The following ZC3H6 variants were observed in gnomAD, a reference collection of about 807,000 sequenced individuals.
The protein encoded by ZC3H6 is zinc finger CCCH-type containing 6.
In ZC3H6, 40 loss-of-function variants were observed where a neutral mutation model predicts 107.7. The ratio of observed to expected loss-of-function variants is 0.37; its 90% CI spans 0.29 to 0.48. The LOEUF is 0.48. Ranked by LOEUF, ZC3H6 falls within the 20% of genes least tolerant of loss-of-function variation. The pLI is 0.98. For missense variants in ZC3H6, 1,267 were observed against 1,410.4 expected (o/e 0.90, Z 1.63); for synonymous variants, 493 against 487.9 (o/e 1.01, Z -0.14).
At chr2:112,327,618 T>G (rs1676936147) in intron 11 of ZC3H6, among the ~76,000 whole-genome samples, 1 of 152,220 alleles carries the variant, frequency 6.6e-6, no homozygotes, top group African/African-American at 2.4e-5. Flanking sequence ...CCCAATGTTT[T>G]CTGGTAGCAG....
chr2:112,311,136 G>A (rs1257556975), intron 4 of ZC3H6, among the ~76,000 whole-genome samples: 1 of 152,042 alleles, frequency 6.6e-6, no homozygotes, highest in Non-Finnish European at 1.5e-5. Flanking sequence ...TGCTCTTAAA[G>A]AACTGAGTAT....
chr2:112,327,854 G>A (rs544956337), intron 11 of ZC3H6, among the ~76,000 whole-genome samples: 12 of 151,978 alleles, frequency 7.9e-5, no homozygotes, highest in African/African-American at 2.9e-4. Flanking sequence ...TCTCTGTTCT[G>A]TTCCATTGGT....
chr2:112,293,219 A>G (rs1207543417), intron 1 of ZC3H6, among the ~76,000 whole-genome samples: 1 of 152,148 alleles, frequency 6.6e-6, no homozygotes, highest in Non-Finnish European at 1.5e-5. Flanking sequence ...AATTTATAAT[A>G]TTGCCCATAT....
In ZC3H6 at chr2:112,332,618, C is replaced by T; in HGVS notation, c.*130C>T. ...CACTTTTCAGCTGCTAGTATCAGAA[C>T]CACATGAAGTTATAGCCTCTAAAGC... On this transcript the variant is annotated 3_prime_UTR_variant, in exon 12 of 12. Transcript: ENST00000409871. 1 of 877,378 alleles carries T rather than the reference C, an allele frequency of 1.1e-6. No individual in the cohort carries two copies. Among genetic ancestry groups the T allele is most frequent in the Non-Finnish European group, 1.7e-6 (1 of 597,580 alleles). The allele number at this position is 877,378 out of a possible 1,614,324, so 54.3% of individuals were successfully genotyped here.
intron 7 of ZC3H6, 59 bp downstream of exon 7, chr2:112,317,391 G>A (rs1312502489): frequency 9.1e-6 from 9 of 987,148 alleles, no homozygotes; most frequent in East Asian, 3.0e-5. Context: ...GCATCATTGA[G>A]GTTTTAAAAA....
At chr2:112,290,647 A>G (rs1676095321) in intron 1 of ZC3H6, among the ~76,000 whole-genome samples, 1 of 149,078 alleles carries the variant, frequency 6.7e-6, no homozygotes, top group African/African-American at 2.5e-5. Context: ...AAATGAATGA[A>G]TGGCCTTTTT....
chr2:112,325,239 G>T, intron 11 of ZC3H6, 42 bp downstream of exon 11: 1 of 1,589,558 alleles, frequency 6.3e-7, no homozygotes, highest in Non-Finnish European at 8.6e-7. Context: ...TATTTGGATG[G>T]GTTAAAATTT....
intron 10 of ZC3H6, 53 bp from the exon 11 acceptor site, chr2:112,324,911 G>A: frequency 6.8e-7 from 1 of 1,473,194 alleles, no homozygotes; most frequent in Non-Finnish European, 9.3e-7. Flanking sequence ...TCTTATGACT[G>A]GTGAAGTTTT....
chr2:112,298,160 A>ATTC (rs1676279215), intron 1 of ZC3H6, among the ~76,000 whole-genome samples: 1 of 151,566 alleles, frequency 6.6e-6, no homozygotes, highest in Non-Finnish European at 1.5e-5. Context: ...TTTTTAAAAA[A>ATTC]TTTATTTTTT....
rs1239912669 is a variant in ZC3H6 at position 112,338,341 on chromosome 2, A to G, written c.*5853A>G. 1.3e-5 allele frequency: 2 copies of G among 152,180 alleles called. No homozygotes were observed. The highest frequency in any genetic ancestry group is 2.9e-5 in the Non-Finnish European group (2 of 68,034). The allele number at this position is 152,180 out of a possible 1,614,324, so 9.4% of individuals were successfully genotyped here. On this transcript the variant is annotated 3_prime_UTR_variant, in exon 12 of 12. Coordinates refer to ENST00000409871, the MANE Select transcript of ZC3H6 (RefSeq NM_198581.3). ...TTCTATCCTGATACCATGAACAGTA[A>G]TTTTCCCTTTTAAGTTATGATTTGA... is the stretch of plus-strand genomic sequence containing the variant.
Position 112,331,374 on chromosome 2 carries a change from A to G in ZC3H6, c.2456A>G (p.Lys819Arg), listed in dbSNP as rs746550426. Residue 819 changes from lysine to arginine, a missense_variant, in exon 12 of 12, where the codon AAA (lysine) becomes AGA (arginine). Physicochemically the swap from Lys to Arg is conservative, Grantham distance 26. This residue lies in a region of ZC3H6 where 925 missense variants were observed against 1,025.7 expected (regional missense o/e 0.90). Coordinates refer to ENST00000409871, the MANE Select transcript of ZC3H6 (RefSeq NM_198581.3). ...HANAGTNVKH[K>R]RGDDDDEDTE... ...AATGCTGGCACTAATGTCAAACACA[A>G]AAGAGGCGATGATGATGATGAAGAT... 2.2e-5 allele frequency: 35 copies of G among 1,613,708 alleles called. No homozygotes were observed. The highest frequency in any genetic ancestry group is 3.0e-5 in the Non-Finnish European group (35 of 1,179,904).
chr2:112,328,043 C>A (rs1192055105), intron 11 of ZC3H6, among the ~76,000 whole-genome samples: 1 of 152,076 alleles, frequency 6.6e-6, no homozygotes, highest in Admixed American at 6.6e-5. Flanking sequence ...ATGTGCGCCA[C>A]CATGCACAGA....
chr2:112,276,992 A>G (rs975436954), intron 1 of ZC3H6, among the ~76,000 whole-genome samples: 4 of 149,522 alleles, frequency 2.7e-5, no homozygotes, highest in African/African-American at 1.0e-4. Context: ...TATAGACTAT[A>G]TACATTGCTG....
At chr2:112,321,633 A>G in intron 7 of ZC3H6, 123 bp from the exon 8 acceptor site, 1 of 528,192 alleles carries the variant, frequency 1.9e-6, no homozygotes. Flanking sequence ...TGTTGACTAT[A>G]GGTACAATGT....
chr2:112,296,208 C>T (rs1425429862), intron 1 of ZC3H6, among the ~76,000 whole-genome samples: 2 of 152,150 alleles, frequency 1.3e-5, no homozygotes, highest in Admixed American at 6.5e-5. Context: ...CACTTGCACT[C>T]GTGCAAGAGG....
At chr2:112,315,506 T>C (rs921556410) in intron 5 of ZC3H6, among the ~76,000 whole-genome samples, 2 of 152,170 alleles carry the variant, frequency 1.3e-5, no homozygotes, top group Non-Finnish European at 2.9e-5. Flanking sequence ...GTATATTCTT[T>C]TTGTCTTTTT....
At chr2:112,330,108 A>G (rs751097378) in intron 11 of ZC3H6, among the ~76,000 whole-genome samples, 3 of 150,246 alleles carry the variant, frequency 2.0e-5, no homozygotes, top group Non-Finnish European at 3.0e-5. Context: ...GCTGGAGTGC[A>G]GTGGCTAGAT....
rs547485526 is a variant in ZC3H6 at position 112,279,239 on chromosome 2, C to T, written c.32+3213C>T. 2.3e-3 allele frequency among the ~76,000 whole-genome samples: 354 copies of T among 152,268 alleles called. 2 individuals carry two copies. The highest frequency in any genetic ancestry group is 8.2e-3 in the African/African-American group (341 of 41,548). ...CAGTTCTCTCAGGCACGACTCCAGC[C>T]GCTCAGTTTTATATTTCAACTGGAT... On this transcript the variant is annotated intron_variant, in intron 1 of 11. Coordinates refer to ENST00000409871, the MANE Select transcript of ZC3H6 (RefSeq NM_198581.3).
chr2:112,275,614 C>T lies in ZC3H6; in HGVS notation c.-381C>T. On this transcript the variant is annotated 5_prime_UTR_variant, in exon 1 of 12. Coordinates refer to ENST00000409871, the MANE Select transcript of ZC3H6 (RefSeq NM_198581.3). Reference sequence around the variant, plus strand: ...CGGCCGGCGCCATTTTCTCGAGCCGCCTGTTTCGGGTGCCGCCATGTTGGT... The same window carrying T: ...CGGCCGGCGCCATTTTCTCGAGCCGTCTGTTTCGGGTGCCGCCATGTTGGT... 1 of 401,292 alleles carries T rather than the reference C, an allele frequency of 2.5e-6. No individual in the cohort carries two copies. The highest frequency in any genetic ancestry group is 4.4e-6 in the Non-Finnish European group (1 of 226,844). 24.9% of individuals were successfully genotyped at this position (401,292 alleles called of 1,614,324 possible).
Sources: allele counts gnomAD v4.1 joint callset (sites outside exome capture counted in the v4.1 genomes callset), GRCh38; gene constraint gnomAD v4.1.1; regional missense constraint gnomAD v4.1.1; transcripts MANE v1.5; gene names NCBI Gene and HGNC (gene_info 2026-07-23, HGNC 2026-07-21).